Variants in DCBLD1 observed in about 807,000 individuals in gnomAD.
DCBLD1 encodes discoidin, CUB and LCCL domain containing 1.
DCBLD1 carries 57 observed loss-of-function variants against 71.5 expected under a neutral mutation model. That is an observed-to-expected ratio of 0.80 (90% CI 0.64 to 0.99). The LOEUF (loss-of-function observed/expected upper bound fraction) is 0.99, where lower values mean the gene tolerates loss of function less well. Among genes scored for constraint, DCBLD1 ranks in the 50% least tolerant of loss-of-function variants. DCBLD1 has a pLI of 0.00. For synonymous variants in DCBLD1, 380 were observed against 363.8 expected (o/e 1.04, Z -0.51); for missense variants, 891 against 923.5 (o/e 0.96, Z 0.46).
At chr6:117,520,681 G>A (rs963516746) in intron 3 of DCBLD1, among the ~76,000 whole-genome samples, 19 of 152,212 alleles carry the variant, frequency 1.2e-4, no homozygotes, top group Non-Finnish European at 2.2e-4. Flanking sequence ...AGAGAAGCAC[G>A]GGCTCCTGTC....
intron 14 of DCBLD1, chr6:117,560,372 ACT>A (rs1264316367): frequency 5.5e-6 from 1 of 183,170 alleles, no homozygotes; most frequent in African/African-American, 2.4e-5. Flanking sequence ...AAAATATTAA[ACT>A]CAACTAGATA....
At position 117,545,331 on chromosome 6, in the gene DCBLD1, G is replaced by A. The variant is rs1779231330; in HGVS notation, c.1496-147G>A. 1.9e-5 allele frequency: 20 copies of A among 1,062,054 alleles called. 1 individual carries two copies. In the South Asian group the frequency reaches 2.3e-4, roughly 12 times the overall value. 65.8% of individuals were successfully genotyped at this position (1,062,054 alleles called of 1,614,324 possible). A position where few individuals can be genotyped will look rare whatever the true frequency, so the allele number is the denominator to read the frequency against. On this transcript the variant is annotated intron_variant, in intron 13 of 14. Coordinates refer to ENST00000338728, the MANE Select transcript of DCBLD1 (RefSeq NM_001366458.2). ...TTGTGGTTAATGACCTTGGCATGCT[G>A]TTCTTAGCACACACACCTGAGGAGG...
At chr6:117,503,601 A>G (rs1185195928) in intron 1 of DCBLD1, 166 bp from the exon 2 acceptor site, 5 of 660,984 alleles carry the variant, frequency 7.6e-6, no homozygotes, top group Non-Finnish European at 1.3e-5. Flanking sequence ...ATAACCTGAA[A>G]CAATAGATAT....
At chr6:117,490,123 A>ACC (rs1554262919) in intron 1 of DCBLD1, among the ~76,000 whole-genome samples, 6 of 147,826 alleles carry the variant, frequency 4.1e-5, no homozygotes, top group African/African-American at 1.0e-4. Context: ...ACACACACAC[A>ACC]CCCCTATAGC....
rs569460708 is a variant in DCBLD1, at chr6:117,548,017, G to A, written c.1726G>A (p.Gly576Ser). 1.9e-6 allele frequency: 3 copies of A among 1,550,380 alleles called. No individual in the cohort carries two copies. Among genetic ancestry groups the A allele is most frequent in the Admixed American group, 2.0e-5 (1 of 51,000 alleles). ...EEAGVSTDAG[G>S]HYDCPQRAGR... ...GGCAGGGGTGAGCACCGATGCCGGC[G>A]GCCACTATGACTGCCCGCAGCGGGC... The change falls in exon 15 of 15, where the codon GGC (glycine) becomes AGC (serine). Residue 576 changes from glycine (G) to serine (S), a missense_variant. Gly to Ser is a moderately conservative substitution (Grantham distance 56). Transcript: ENST00000338728.
intron 1 of DCBLD1, among the ~76,000 whole-genome samples, chr6:117,492,069 T>C (rs1364416261): frequency 6.6e-6 from 1 of 152,220 alleles, no homozygotes; most frequent in African/African-American, 2.4e-5. Flanking sequence ...AAGTGATACA[T>C]CGATCTCTCC....
intron 14 of DCBLD1, among the ~76,000 whole-genome samples, chr6:117,559,283 G>A (rs947883349): frequency 6.6e-6 from 1 of 152,220 alleles, no homozygotes; most frequent in Admixed American, 6.5e-5. Flanking sequence ...GGAAGCTGGA[G>A]TTGATTGGAG....
rs1779060962 is a variant in DCBLD1 at position 117,540,667 on chromosome 6, G to A, written c.1102-1G>A. Reference sequence around the variant, plus strand: ...AAGGTAAACATAATTTCCTTCTATAGGTGTTTCAGGGTAACTCTAACTTTC... The same window carrying A: ...AAGGTAAACATAATTTCCTTCTATAAGTGTTTCAGGGTAACTCTAACTTTC... On this transcript the variant is annotated splice_acceptor_variant, in intron 9 of 14. Coordinates refer to ENST00000338728, the MANE Select transcript of DCBLD1 (RefSeq NM_001366458.2). LOFTEE classifies it high-confidence loss of function. 6.2e-7 allele frequency: 1 copy of A among 1,613,980 alleles called. No homozygotes were observed. Among genetic ancestry groups the A allele is most frequent in the African/African-American group, 1.3e-5 (1 of 74,900 alleles).
At position 117,482,744 on chromosome 6, in the gene DCBLD1, G is replaced by A; in HGVS notation, c.-38G>A. 2.7e-6 allele frequency: 3 copies of A among 1,122,722 alleles called. No homozygotes were observed. The highest frequency in any genetic ancestry group is 3.3e-6 in the Non-Finnish European group (3 of 918,744). The allele number at this position is 1,122,722 out of a possible 1,614,324, so 69.5% of individuals were successfully genotyped here. On this transcript the variant is annotated 5_prime_UTR_variant, in exon 1 of 15. Transcript: ENST00000338728. ...CAGCTGCGGCTCGGGATCCGTCGAG[G>A]GGAGGCCGAGCTTGCCAAGCTGGCG... is the stretch of plus-strand genomic sequence containing the variant.
chr6:117,499,405 A>G (rs929455583), intron 1 of DCBLD1, among the ~76,000 whole-genome samples: 1 of 150,802 alleles, frequency 6.6e-6, no homozygotes, highest in East Asian at 1.9e-4. Flanking sequence ...AGACCGTCTC[A>G]AAAAGAAAAA....
intron 14 of DCBLD1, chr6:117,561,773 A>G (rs1779588631): frequency 4.8e-6 from 1 of 207,258 alleles, no homozygotes; most frequent in South Asian, 1.9e-4. Flanking sequence ...ACAGATGAAC[A>G]CCACCACCCA....
chr6:117,516,112 C>T (rs182070366), intron 2 of DCBLD1, among the ~76,000 whole-genome samples: 33 of 151,704 alleles, frequency 2.2e-4, no homozygotes, highest in African/African-American at 7.7e-4. Context: ...CCAGCACTTT[C>T]GGAGGCTGAG....
At chr6:117,536,995 G>A (rs1009765344) in intron 6 of DCBLD1, among the ~76,000 whole-genome samples, 190 bp from the exon 7 acceptor site, 3 of 152,082 alleles carry the variant, frequency 2.0e-5, no homozygotes, top group Non-Finnish European at 2.9e-5. Context: ...CTTACCTTCC[G>A]TGGGCCTAAG....
At chr6:117,482,946 T>TGCGGGGCGGGCC in intron 1 of DCBLD1, 53 bp downstream of exon 1, 1 of 1,134,964 alleles carries the variant, frequency 8.8e-7, no homozygotes, top group Non-Finnish European at 1.1e-6. Flanking sequence ...AGGGGCGGGC[T>TGCGGGGCGGGCC]GAGGGCTGCG....
At chr6:117,482,964 C>CCGGGCCGGGCCGAGGGCTACGGGG (rs1184923241) in intron 1 of DCBLD1, 71 bp downstream of exon 1, 1 of 605,458 alleles carries the variant, frequency 1.7e-6, no homozygotes, top group Non-Finnish European at 2.0e-6. Context: ...GCGGGGCGGG[C>CCGGGCCGGGCCGAGGGCTACGGGG]CGGGCCGGGC....
At chr6:117,504,372 A>C (rs927239070) in intron 2 of DCBLD1, among the ~76,000 whole-genome samples, 7 of 152,256 alleles carry the variant, frequency 4.6e-5, no homozygotes, top group African/African-American at 1.7e-4. Context: ...AAGTTCCTCT[A>C]TGAAACTTGC....
chr6:117,565,256 T>C (rs990966699), intron 14 of DCBLD1, among the ~76,000 whole-genome samples: 4 of 152,236 alleles, frequency 2.6e-5, no homozygotes, highest in African/African-American at 4.8e-5. Flanking sequence ...TGTATTTTCA[T>C]ATATCTGCTT....
chr6:117,500,041 T>C (rs751737788), intron 1 of DCBLD1, among the ~76,000 whole-genome samples: 8 of 152,176 alleles, frequency 5.3e-5, no homozygotes, highest in Non-Finnish European at 1.0e-4. Context: ...ATAATACTTG[T>C]CTATTGGTTT....
At chr6:117,517,428 TC>T (rs1778237769) in intron 2 of DCBLD1, among the ~76,000 whole-genome samples, 13 of 152,246 alleles carry the variant, frequency 8.5e-5, no homozygotes, top group Middle Eastern at 3.4e-3. Flanking sequence ...GTGTTGAGTG[TC>T]TGTCGCTTTT....
Sources: gnomAD v4.1 joint callset for allele counts (sites outside exome capture counted in the v4.1 genomes callset) on GRCh38, gnomAD v4.1.1 for gene constraint, MANE v1.5 for transcripts, NCBI Gene and HGNC (gene_info 2026-07-23, HGNC 2026-07-21) for gene names.